The following TANC2 variants were observed in gnomAD, a reference collection of about 807,000 sequenced individuals.
The protein encoded by TANC2 is protein TANC2.
A neutral mutation model predicts 210.5 loss-of-function variants in TANC2; 26 were observed. The observed-to-expected ratio is 0.12, with a 90% CI of 0.09 to 0.17. TANC2 has a LOEUF of 0.17. Ranked by LOEUF, TANC2 falls within the 10% of genes least tolerant of loss-of-function variation. The pLI is 1.00. For synonymous variants in TANC2, 931 were observed against 967.1 expected, an observed-to-expected ratio of 0.96 and a Z score of 0.69; for missense variants, 2,129 against 2,608.9, an observed-to-expected ratio of 0.82 and a Z score of 4.01.
intron 7 of TANC2, among the ~76,000 whole-genome samples, chr17:63,215,839 T>G (rs2042012063): frequency 6.6e-6 from 1 of 152,252 alleles, no homozygotes; most frequent in African/African-American, 2.4e-5. Context: ...AAGCTCCACC[T>G]CCTGGGTTCA....
chr17:63,125,281 A>G (rs199721385), intron 4 of TANC2: 8 of 152,218 alleles, frequency 5.3e-5, no homozygotes, highest in Non-Finnish European at 8.8e-5. Flanking sequence ...AATGCTTACA[A>G]CAGCCTCTAG....
chr17:63,157,162 A>C (rs2039868808), intron 5 of TANC2, among the ~76,000 whole-genome samples: 1 of 152,180 alleles, frequency 6.6e-6, no homozygotes, highest in Non-Finnish European at 1.5e-5. Context: ...TTCAGAGAAC[A>C]GCCTCATCCT....
At chr17:63,284,951 C>T (rs2044176266) in intron 9 of TANC2, among the ~76,000 whole-genome samples, 1 of 152,020 alleles carries the variant, frequency 6.6e-6, no homozygotes, top group Non-Finnish European at 1.5e-5. Context: ...ATTCTTGATG[C>T]ACTGACCCAG....
At chr17:63,154,692 T>G (rs999750905) in intron 5 of TANC2, 1 of 152,108 alleles carries the variant, frequency 6.6e-6, no homozygotes, top group Non-Finnish European at 1.5e-5. Context: ...ATTTTATTAT[T>G]TTTGCAGTGA....
At chr17:63,074,846 G>A (rs567021410) in intron 3 of TANC2, among the ~76,000 whole-genome samples, 1 of 152,230 alleles carries the variant, frequency 6.6e-6, no homozygotes, top group South Asian at 2.1e-4. Context: ...CATTTATTGA[G>A]TTTGGTTTTC....
At chr17:63,112,275 A>G (rs2038079439) in intron 4 of TANC2, among the ~76,000 whole-genome samples, 1 of 152,156 alleles carries the variant, frequency 6.6e-6, no homozygotes, top group African/African-American at 2.4e-5. Flanking sequence ...GTAGATGCAT[A>G]AGCAGACCCT....
chr17:63,412,799 T>C lies in TANC2; in HGVS notation c.3928+90T>C. Reference sequence around the variant, plus strand: ...TTTGGTTTAGCCTGCATGAGTTCCCTACACCTCTAATCTTTTAATTTACTT... The same window carrying C: ...TTTGGTTTAGCCTGCATGAGTTCCCCACACCTCTAATCTTTTAATTTACTT... On this transcript the variant is annotated intron_variant, in intron 24 of 27. Transcript: ENST00000689528. This position sits in a 1 kb window ranked among gnomAD's most constrained non-coding sequence, Gnocchi z 4.2. 7.0e-7 allele frequency: 1 copy of C among 1,422,758 alleles called. No homozygotes were observed. The highest frequency in any genetic ancestry group is 9.4e-7 in the Non-Finnish European group (1 of 1,063,106). The allele number at this position is 1,422,758 out of a possible 1,614,324, so 88.1% of individuals were successfully genotyped here. A position where few individuals can be genotyped will look rare whatever the true frequency, so the allele number is the denominator to read the frequency against.
chr17:63,350,546 G>A (rs765182945), intron 12 of TANC2, among the ~76,000 whole-genome samples: 18 of 152,162 alleles, frequency 1.2e-4, no homozygotes, highest in Non-Finnish European at 1.9e-4. Context: ...TGGAGTCCAA[G>A]AGAGAACTGG....
At chr17:63,320,340 C>G (rs2045455475) in intron 11 of TANC2, 1 of 152,156 alleles carries the variant, frequency 6.6e-6, no homozygotes, top group African/African-American at 2.4e-5. Context: ...TAGAGCCCTC[C>G]ATCGAGCTCA....
At chr17:63,181,058 G>C (rs2040767842) in intron 5 of TANC2, among the ~76,000 whole-genome samples, 1 of 147,104 alleles carries the variant, frequency 6.8e-6, no homozygotes, top group Non-Finnish European at 1.5e-5. Context: ...AAAAGAGTAG[G>C]CATAGTGATG....
At chr17:62,996,926 G>T (rs1199960009) in intron 1 of TANC2, among the ~76,000 whole-genome samples, 2 of 147,844 alleles carry the variant, frequency 1.4e-5, no homozygotes, top group African/African-American at 5.1e-5. Context: ...TGATTCTCTT[G>T]CCTCAGCCTC....
chr17:63,274,739 A>T (rs931925499), intron 9 of TANC2, among the ~76,000 whole-genome samples: 2 of 152,110 alleles, frequency 1.3e-5, no homozygotes, highest in African/African-American at 4.8e-5. Context: ...AATCACTTGA[A>T]CCTGGGAGGT....
chr17:63,080,273 G>A (rs2036724988), intron 3 of TANC2, among the ~76,000 whole-genome samples: 1 of 151,916 alleles, frequency 6.6e-6, no homozygotes, highest in African/African-American at 2.4e-5. Context: ...TGTTTTACTG[G>A]CTCCATTTTC....
At chr17:63,244,007 C>T (rs2042848899) in intron 8 of TANC2, among the ~76,000 whole-genome samples, 1 of 152,122 alleles carries the variant, frequency 6.6e-6, no homozygotes, top group South Asian at 2.1e-4. Context: ...AGAGCCAAAT[C>T]AAGACTGTAA....
chr17:63,237,799 C>G lies in TANC2; in HGVS notation c.770-15C>G. The stretch of plus-strand genomic sequence containing the variant: ...ATGTGGCTTTATTAAATTCATTTTA[C>G]TCTTTTTTTTTCAGCTACATTAACA... On this transcript the variant is annotated splice_polypyrimidine_tract_variant and intron_variant, in intron 7 of 27. Transcript: ENST00000689528. 1 of 1,529,618 alleles carries G rather than the reference C, an allele frequency of 6.5e-7. No individual in the cohort carries two copies. Among genetic ancestry groups the G allele is most frequent in the Non-Finnish European group, 8.8e-7 (1 of 1,138,818 alleles). 94.8% of individuals were successfully genotyped at this position (1,529,618 alleles called of 1,614,324 possible). A position where few individuals can be genotyped will look rare whatever the true frequency, so the allele number is the denominator to read the frequency against.
chr17:63,241,692 G>A (rs991698983), intron 8 of TANC2, among the ~76,000 whole-genome samples: 2 of 152,106 alleles, frequency 1.3e-5, no homozygotes, highest in African/African-American at 2.4e-5. Flanking sequence ...GTCACCCCTC[G>A]GCGATGCATC....
chr17:63,050,045 C>G (rs2035522637), intron 2 of TANC2, among the ~76,000 whole-genome samples: 1 of 151,882 alleles, frequency 6.6e-6, no homozygotes, highest in Admixed American at 6.6e-5. Context: ...TTTGAGATAC[C>G]TGTGTGATAT....
chr17:63,256,734 T>A (rs115074016), intron 8 of TANC2, among the ~76,000 whole-genome samples: 22,809 of 152,208 alleles, frequency 0.15, 2,038 homozygotes, highest in Middle Eastern at 0.21. Flanking sequence ...GTCTATCTCT[T>A]TAGCTCTAAT....
chr17:63,007,105 T>G (rs2033658415), intron 1 of TANC2, among the ~76,000 whole-genome samples: 1 of 152,004 alleles, frequency 6.6e-6, no homozygotes, highest in African/African-American at 2.4e-5. Flanking sequence ...AGCTCACACC[T>G]GTAGTTCTAG....
Sources: gnomAD v4.1 joint callset for allele counts (sites outside exome capture counted in the v4.1 genomes callset) on GRCh38, gnomAD v4.1.1 for gene constraint, Gnocchi (gnomAD v3.1) non-coding constraint, MANE v1.5 for transcripts, NCBI Gene and HGNC (gene_info 2026-07-23, HGNC 2026-07-21) for gene names.